Variants in TIAM1 observed in about 807,000 individuals in gnomAD.
TIAM1 encodes the protein TIAM Rac1 associated GEF 1.
A neutral mutation model predicts 163.5 loss-of-function variants in TIAM1; 65 were observed. That is an observed-to-expected ratio of 0.40 (90% CI 0.33 to 0.49). The LOEUF (loss-of-function observed/expected upper bound fraction) is 0.49. TIAM1 is among the 20% of genes least tolerant of loss of function. TIAM1 has a pLI of 0.77. For missense variants in TIAM1, 1,789 were observed against 2,044.7 expected (o/e 0.87, Z 2.41); for synonymous variants, 833 against 810.1 (o/e 1.03, Z -0.48).
intron 2 of TIAM1, among the ~76,000 whole-genome samples, chr21:31,298,761 TGTGTGTGA>T (rs202033090): frequency 0.037 from 5,323 of 144,566 alleles, 330 homozygotes; most frequent in African/African-American, 0.13. Context: ...TGTGTGTGTG[TGTGTGTGA>T]GAAACAGAGA....
At chr21:31,446,740 C>T (rs878935548) in intron 2 of TIAM1, among the ~76,000 whole-genome samples, 6 of 152,306 alleles carry the variant, frequency 3.9e-5, no homozygotes, top group Admixed American at 2.6e-4. Context: ...AGCCGGGCCA[C>T]GCTCAGCCAA....
chr21:31,467,429 C>T (rs924802723), intron 1 of TIAM1, among the ~76,000 whole-genome samples: 6 of 152,076 alleles, frequency 3.9e-5, no homozygotes, highest in Non-Finnish European at 5.9e-5. Context: ...AGTTCGAGAC[C>T]AGCCTAGCCA....
intron 2 of TIAM1, among the ~76,000 whole-genome samples, chr21:31,328,861 G>A (rs1449193548): frequency 6.6e-6 from 1 of 151,998 alleles, no homozygotes; most frequent in Admixed American, 6.6e-5. Flanking sequence ...GCTCAGACTG[G>A]TCTCGAACTC....
At chr21:31,450,894 A>T (rs2044810180) in intron 2 of TIAM1, among the ~76,000 whole-genome samples, 1 of 152,110 alleles carries the variant, frequency 6.6e-6, no homozygotes, top group African/African-American at 2.4e-5. Flanking sequence ...TCCCTTCCAC[A>T]ACATGTGGGA....
intron 1 of TIAM1, among the ~76,000 whole-genome samples, chr21:31,469,933 G>A (rs1345862773): frequency 6.6e-6 from 1 of 152,064 alleles, no homozygotes; most frequent in Non-Finnish European, 1.5e-5. Context: ...TCCAGGCATG[G>A]GTAGGGGCAG....
At chr21:31,464,349 A>G (rs897527719) in intron 1 of TIAM1, among the ~76,000 whole-genome samples, 1 of 152,148 alleles carries the variant, frequency 6.6e-6, no homozygotes, top group Non-Finnish European at 1.5e-5. Context: ...CAGGCTCAGA[A>G]TCCTGTTCAA....
At chr21:31,413,319 G>C (rs1204656691) in intron 2 of TIAM1, among the ~76,000 whole-genome samples, 2 of 138,786 alleles carry the variant, frequency 1.4e-5, no homozygotes, top group Non-Finnish European at 3.0e-5. Context: ...GCCCAGGCTG[G>C]AGTGCAGTGG....
At chr21:31,534,076 G>A (rs916775348) in intron 1 of TIAM1, among the ~76,000 whole-genome samples, 3 of 152,168 alleles carry the variant, frequency 2.0e-5, no homozygotes, top group Non-Finnish European at 4.4e-5. Context: ...ATCTCTCTAG[G>A]GCTCTGAGTT....
At chr21:31,356,608 G>A (rs2076320839) in intron 2 of TIAM1, among the ~76,000 whole-genome samples, 1 of 152,220 alleles carries the variant, frequency 6.6e-6, no homozygotes. Flanking sequence ...TAAGGACATA[G>A]CCACAAGGCG....
intron 23 of TIAM1, 96 bp downstream of exon 23, chr21:31,135,837 T>C (rs1260714783): frequency 6.0e-6 from 7 of 1,176,240 alleles, no homozygotes; most frequent in African/African-American, 1.5e-5. Context: ...CAATTAACTT[T>C]ATTTTTAATC....
chr21:31,164,322 G>T (rs1238083373), intron 16 of TIAM1, among the ~76,000 whole-genome samples: 2 of 151,572 alleles, frequency 1.3e-5, no homozygotes, highest in African/African-American at 4.9e-5. Context: ...CCCGGGAGGC[G>T]GAGCTTGCAG....
intron 2 of TIAM1, among the ~76,000 whole-genome samples, chr21:31,286,498 A>G (rs1201660465): frequency 2.0e-5 from 3 of 152,148 alleles, no homozygotes; most frequent in Non-Finnish European, 2.9e-5. Context: ...ACTTGAGCTC[A>G]GAAGTTCAAG....
chr21:31,232,603 C>T (rs1484457052), intron 6 of TIAM1, among the ~76,000 whole-genome samples: 2 of 152,164 alleles, frequency 1.3e-5, no homozygotes, highest in African/African-American at 2.4e-5. Flanking sequence ...GGACTCCTGA[C>T]CTGACACAAT....
intron 1 of TIAM1, among the ~76,000 whole-genome samples, chr21:31,552,698 A>T (rs2048734188): frequency 6.6e-6 from 1 of 152,138 alleles, no homozygotes; most frequent in Non-Finnish European, 1.5e-5. Context: ...TGAACCTGGG[A>T]GATGGAGGTT....
intron 19 of TIAM1, among the ~76,000 whole-genome samples, chr21:31,150,800 C>T (rs1354791101): frequency 3.3e-5 from 5 of 151,898 alleles, no homozygotes; most frequent in Non-Finnish European, 5.9e-5. Flanking sequence ...AAAGATGGGC[C>T]TCAAATACAG....
At chr21:31,148,612 T>A (rs1370192624) in intron 19 of TIAM1, among the ~76,000 whole-genome samples, 1 of 152,208 alleles carries the variant, frequency 6.6e-6, no homozygotes, top group Non-Finnish European at 1.5e-5. Context: ...CCTTTAGCCA[T>A]CCTAAAGCCA....
intron 2 of TIAM1, among the ~76,000 whole-genome samples, chr21:31,308,685 A>C (rs2074811168): frequency 6.6e-6 from 1 of 152,104 alleles, no homozygotes; most frequent in African/African-American, 2.4e-5. Flanking sequence ...AAGGGGATGC[A>C]ATGTGTGTGT....
chr21:31,222,722 T>A (rs1304132618), intron 8 of TIAM1, among the ~76,000 whole-genome samples: 1 of 109,414 alleles, frequency 9.1e-6, no homozygotes, highest in African/African-American at 4.5e-5. Context: ...TTTTTTTTTT[T>A]TTTTTTTTTT....
chr21:31,510,927 G>T (rs2047193075), intron 1 of TIAM1, among the ~76,000 whole-genome samples: 1 of 152,146 alleles, frequency 6.6e-6, no homozygotes, highest in African/African-American at 2.4e-5. Context: ...CCTATGACTG[G>T]TGTCTTTGCA....
Sources: allele counts gnomAD v4.1 joint callset (sites outside exome capture counted in the v4.1 genomes callset), GRCh38; gene constraint gnomAD v4.1.1; transcripts MANE v1.5; gene names NCBI Gene and HGNC (gene_info 2026-07-23, HGNC 2026-07-21).